DST: variants seen among roughly 807,000 people sequenced by gnomAD.
DST encodes the protein bullous pemphigoid antigen.
In DST, 253 loss-of-function variants were observed where a neutral mutation model predicts 875.2. The observed-to-expected ratio is 0.29, with a 90% confidence interval of 0.26 to 0.32. The LOEUF (loss-of-function observed/expected upper bound fraction) is 0.32, where lower values mean the gene tolerates loss of function less well. Among genes scored for constraint, DST ranks in the 10% least tolerant of loss-of-function variants. DST has a pLI of 1.00. For missense variants in DST, 8,287 were observed against 9,111.6 expected, an observed-to-expected ratio of 0.91 and a Z score of 3.68; for synonymous variants, 3,124 against 3,197.1, an observed-to-expected ratio of 0.98 and a Z score of 0.77.
At chr6:56,657,311 A>T (rs1315717534) in intron 10 of DST, among the ~76,000 whole-genome samples, 1 of 152,206 alleles carries the variant, frequency 6.6e-6, no homozygotes, top group Non-Finnish European at 1.5e-5. Context: ...TATACAAGAA[A>T]AGAACACATT....
intron 3 of DST, among the ~76,000 whole-genome samples, chr6:56,878,253 A>G (rs1014586511): frequency 6.6e-6 from 1 of 152,188 alleles, no homozygotes; most frequent in Non-Finnish European, 1.5e-5. Flanking sequence ...GTTGGTGTGC[A>G]TATCCTATGC....
At chr6:56,546,991 G>T (rs189862121) in intron 61 of DST, among the ~76,000 whole-genome samples, 4 of 152,210 alleles carry the variant, frequency 2.6e-5, no homozygotes, top group Admixed American at 2.6e-4. Context: ...TCTCTGGCTG[G>T]AACTGCCTTC....
chr6:56,831,524 G>A (rs975982281), intron 4 of DST, among the ~76,000 whole-genome samples: 1 of 151,888 alleles, frequency 6.6e-6, no homozygotes, highest in Non-Finnish European at 1.5e-5. Flanking sequence ...TGCCAGCCCT[G>A]CTTGTGAAAC....
At chr6:56,631,830 C>T in intron 29 of DST, 53 bp downstream of exon 29, 1 of 1,544,582 alleles carries the variant, frequency 6.5e-7, no homozygotes, top group South Asian at 1.1e-5. Flanking sequence ...AGAGTTGATA[C>T]ATAAGGTCAT....
chr6:56,810,791 T>C (rs1395538133), intron 4 of DST, among the ~76,000 whole-genome samples: 3 of 151,852 alleles, frequency 2.0e-5, no homozygotes, highest in Admixed American at 2.0e-4. Flanking sequence ...CTACATCATG[T>C]CATCTTCATT....
In DST at chr6:56,765,303, T is replaced by C. The variant is rs541209095; in HGVS notation, c.626-30014A>G. ...CTTTACTAGTTTCTGCAGATATCAT[T>C]TGCCCCCAATTTTATGTTTTGAGAT... On this transcript the variant is annotated intron_variant, in intron 4 of 103. Coordinates refer to ENST00000680361, the MANE Select transcript of DST (RefSeq NM_001374736.1). Among the ~76,000 whole-genome samples the C allele has an allele frequency of 2.8e-4, 43 of 152,322 alleles. 1 individual carries two copies. In the East Asian group the frequency reaches 6.9e-3, roughly 25 times the overall value.
chr6:56,506,736 G>C lies in DST; in HGVS notation c.19293C>G (p.Asn6431Lys), dbSNP rs1205387324. 3.1e-6 allele frequency: 5 copies of C among 1,613,506 alleles called. No individual in the cohort carries two copies. In the East Asian group the frequency reaches 8.9e-5, roughly 29 times the overall value. The change falls in exon 76 of 104, where the codon AAC becomes AAG. Residue 6431 changes from asparagine (N) to lysine (K), a missense_variant. By Grantham distance (94) the Asn-to-Lys change is moderately conservative (BLOSUM62 0). Transcript: ENST00000680361. Reference sequence around the variant, plus strand: ...ATGCCGCAATGAGTTCAGAACCTAGGTTAATAACTATATCCAGCTCCTCCT... The same window carrying C: ...ATGCCGCAATGAGTTCAGAACCTAGCTTAATAACTATATCCAGCTCCTCCT... ...GLQEELDIVI[N>K]LGSELIAACG... is the part of the protein sequence containing the mutation.
intron 2 of DST, among the ~76,000 whole-genome samples, chr6:56,943,833 G>A (rs766448329): frequency 5.9e-5 from 9 of 151,996 alleles, no homozygotes; most frequent in African/African-American, 1.7e-4. Flanking sequence ...AATAAAATAC[G>A]GGGCCAGGCA....
rs1204306363 is a variant in DST at position 56,471,213 on chromosome 6, C to T, written c.22214G>A (p.Trp7405Ter). 1 of 1,602,168 alleles carries T rather than the reference C, an allele frequency of 6.2e-7. No homozygotes were observed. Among genetic ancestry groups the T allele is most frequent in the Non-Finnish European group, 8.5e-7 (1 of 1,173,516 alleles). ...CACTCGAGATTTCTTGTGATTCATC[C>T]ATCGCATGTATTTTTTGCGCCAGAT... ...FDIWRKKYMR[W>*]MNHKKSRVMD... Residue 7405 changes from tryptophan to a stop codon, truncating the protein, a stop_gained, in exon 95 of 104, where the codon TGG becomes TAG. Coordinates refer to ENST00000680361, the MANE Select transcript of DST (RefSeq NM_001374736.1). LOFTEE classifies it high-confidence loss of function.
In DST at chr6:56,553,785, T is replaced by C. The variant is rs1174077444; in HGVS notation, c.15137-130A>G. On this transcript the variant is annotated intron_variant, in intron 60 of 103. Transcript: ENST00000680361. ...AAGCAAGGGCTTTTAGCATTGACTA[T>C]AAGAACTACAAGTGAACTTAAGTTA... 7.2e-6 allele frequency: 6 copies of C among 831,004 alleles called. No homozygotes were observed. The Admixed American group carries it at 1.7e-4, about 24-fold the overall frequency. The allele number at this position is 831,004 out of a possible 1,614,324, so 51.5% of individuals were successfully genotyped here.
intron 86 of DST, among the ~76,000 whole-genome samples, chr6:56,489,037 G>A (rs1183068978): frequency 6.6e-6 from 1 of 152,084 alleles, no homozygotes; most frequent in East Asian, 1.9e-4. Flanking sequence ...TTACAATTTA[G>A]GTACAAGCAT....
At chr6:56,615,015 GTCA>G in intron 36 of DST, 1 of 998,634 alleles carries the variant, frequency 1.0e-6, no homozygotes. Context: ...TGCAAAGAAG[GTCA>G]CTATATACAG....
At chr6:56,745,898 G>C (rs2099570912) in intron 4 of DST, among the ~76,000 whole-genome samples, 1 of 152,222 alleles carries the variant, frequency 6.6e-6, no homozygotes, top group African/African-American at 2.4e-5. Context: ...GCACAAATTT[G>C]TAAGAATGAT....
chr6:56,468,505 T>C (rs768619536), intron 98 of DST, among the ~76,000 whole-genome samples: 3 of 152,172 alleles, frequency 2.0e-5, no homozygotes, highest in Non-Finnish European at 4.4e-5. Context: ...GAGAACTTGT[T>C]ACTTGTGGCT....
chr6:56,833,382 C>T (rs537709650), intron 4 of DST, among the ~76,000 whole-genome samples: 1 of 152,174 alleles, frequency 6.6e-6, no homozygotes, highest in Non-Finnish European at 1.5e-5. Flanking sequence ...CATAACAAAA[C>T]TTTCTCACTA....
At chr6:56,913,888 AT>A (rs1231462180) in intron 2 of DST, among the ~76,000 whole-genome samples, 1 of 152,048 alleles carries the variant, frequency 6.6e-6, no homozygotes, top group Non-Finnish European at 1.5e-5. Context: ...TAATCTGATG[AT>A]TTTTTTTATA....
At chr6:56,590,140 T>C (rs912875120) in intron 49 of DST, among the ~76,000 whole-genome samples, 7 of 152,210 alleles carry the variant, frequency 4.6e-5, no homozygotes, top group African/African-American at 1.4e-4. Context: ...ACGCTATGAC[T>C]TAATTAGAAT....
intron 95 of DST, among the ~76,000 whole-genome samples, chr6:56,470,562 G>T (rs562127928): frequency 6.6e-6 from 1 of 152,018 alleles, no homozygotes; most frequent in South Asian, 2.1e-4. Flanking sequence ...GCTAGTCAAA[G>T]AATAAATTAT....
chr6:56,730,237 ACTC>A (rs1022390520), intron 5 of DST, among the ~76,000 whole-genome samples: 2 of 151,930 alleles, frequency 1.3e-5, no homozygotes, highest in Non-Finnish European at 2.9e-5. Context: ...CCCTTAAACT[ACTC>A]CTCCTAAACA....
Sources: allele counts gnomAD v4.1 joint callset (sites outside exome capture counted in the v4.1 genomes callset), GRCh38; gene constraint gnomAD v4.1.1; transcripts MANE v1.5; gene names NCBI Gene and HGNC (gene_info 2026-07-23, HGNC 2026-07-21).